The following ITGA9 variants were observed in gnomAD, a reference collection of about 807,000 sequenced individuals.
ITGA9 encodes the protein integrin subunit alpha 9.
ITGA9 carries 56 observed loss-of-function variants against 127.8 expected under a neutral mutation model. The ratio of observed to expected loss-of-function variants is 0.44; its 90% CI spans 0.35 to 0.55. The LOEUF (loss-of-function observed/expected upper bound fraction) is 0.55. Among genes scored for constraint, ITGA9 ranks in the 20% least tolerant of loss-of-function variants. The pLI is 0.00. For missense variants in ITGA9, 1,196 were observed against 1,347.1 expected (o/e 0.89, Z 1.76); for synonymous variants, 508 against 514.5 (o/e 0.99, Z 0.17).
chr3:37,744,082 G>T (rs1478807456), intron 22 of ITGA9, 48 bp downstream of exon 22: 1 of 1,238,328 alleles, frequency 8.1e-7, no homozygotes, highest in Non-Finnish European at 1.2e-6. Flanking sequence ...TAACGGAAGG[G>T]CACATGGGAT....
chr3:37,625,926 T>C (rs1035660710), intron 15 of ITGA9, among the ~76,000 whole-genome samples: 1 of 152,170 alleles, frequency 6.6e-6, no homozygotes, highest in African/African-American at 2.4e-5. Flanking sequence ...GGACATGTAA[T>C]AAGAAGCTGC....
At chr3:37,679,975 G>A (rs1181427553) in intron 17 of ITGA9, among the ~76,000 whole-genome samples, 2 of 152,064 alleles carry the variant, frequency 1.3e-5, no homozygotes, top group Non-Finnish European at 1.5e-5. Context: ...ATGGGGGGTG[G>A]GGGGCTCATA....
chr3:37,519,150 A>G (rs1699018983), intron 10 of ITGA9, 110 bp from the exon 11 acceptor site: 2 of 789,460 alleles, frequency 2.5e-6, no homozygotes, highest in Admixed American at 4.0e-5. Context: ...ACAATCAACA[A>G]CCAATAATTT....
rs984568796 is a variant in ITGA9, at chr3:37,814,428, G to C, written c.3010-4463G>C. On this transcript the variant is annotated intron_variant, in intron 27 of 27. Transcript: ENST00000264741. The surrounding 1 kb of genome is among the most constrained non-coding windows in gnomAD (Gnocchi z 4.3). Reference sequence around the variant, plus strand: ...CAAAATATAAAAATTAGCCAGGCCTGGTGGTGCAGACCTGTAATTCCAGCT... The same window carrying C: ...CAAAATATAAAAATTAGCCAGGCCTCGTGGTGCAGACCTGTAATTCCAGCT... Among the ~76,000 whole-genome samples the C allele has an allele frequency of 6.6e-6, 1 of 152,304 alleles. No individual in the cohort carries two copies. Among genetic ancestry groups the C allele is most frequent in the African/African-American group, 2.4e-5 (1 of 41,576 alleles).
chr3:37,697,301 ACTT>A (rs1700894816), intron 18 of ITGA9, among the ~76,000 whole-genome samples: 5 of 136,742 alleles, frequency 3.7e-5, no homozygotes, highest in Non-Finnish European at 7.7e-5. Context: ...AATAACGACT[ACTT>A]CTGTTATTAT....
At chr3:37,785,120 G>C (rs750902678) in intron 26 of ITGA9, 42 bp downstream of exon 26, 1 of 1,369,626 alleles carries the variant, frequency 7.3e-7, no homozygotes, top group South Asian at 1.2e-5. Context: ...AGAGGGCAAG[G>C]GAAGCTGGGT....
In ITGA9 at chr3:37,508,603, G is replaced by A; in HGVS notation, c.873G>A (p.Lys291=). 1 of 1,613,560 alleles carries A rather than the reference G, an allele frequency of 6.2e-7. No homozygotes were observed. The highest frequency in any genetic ancestry group is 8.5e-7 in the Non-Finnish European group (1 of 1,179,732). The stretch of plus-strand genomic sequence containing the variant: ...ACCGAAGATCAGGCACCTTAATTAA[G>A]ATCTTTCAAGCATCAGGTAAAAAGG... ...RADRRSGTLI[K]IFQASGKKMG... Residue 291 remains lysine (K), a synonymous_variant, in exon 8 of 28, where the codon AAG becomes AAA. Coordinates refer to ENST00000264741, the MANE Select transcript of ITGA9 (RefSeq NM_002207.3).
At chr3:37,556,095 C>T (rs1699428486) in intron 15 of ITGA9, among the ~76,000 whole-genome samples, 1 of 152,242 alleles carries the variant, frequency 6.6e-6, no homozygotes, top group South Asian at 2.1e-4. Context: ...ATGTGTGAAG[C>T]ACATGAACTG....
intron 19 of ITGA9, among the ~76,000 whole-genome samples, chr3:37,736,313 A>G (rs558882932): frequency 1.3e-5 from 2 of 152,320 alleles, no homozygotes; most frequent in African/African-American, 4.8e-5. Flanking sequence ...AACGTCTCCA[A>G]TCCTGCTAGC....
At chr3:37,755,830 T>C (rs903058061) in intron 23 of ITGA9, among the ~76,000 whole-genome samples, 3 of 152,166 alleles carry the variant, frequency 2.0e-5, no homozygotes, top group African/African-American at 7.2e-5. Context: ...CAAGTTTATG[T>C]ACCAATTAGC....
intron 23 of ITGA9, 123 bp downstream of exon 23, chr3:37,750,692 T>C: frequency 1.3e-6 from 1 of 753,254 alleles, no homozygotes; most frequent in South Asian, 1.4e-5. Context: ...TTCTACCCTT[T>C]GGAGACATAT....
At chr3:37,777,782 C>T (rs1363148715) in intron 24 of ITGA9, among the ~76,000 whole-genome samples, 1 of 152,178 alleles carries the variant, frequency 6.6e-6, no homozygotes, top group South Asian at 2.1e-4. Flanking sequence ...TAGAATGAGT[C>T]TAAACAAGAG....
At chr3:37,642,308 T>C (rs1351860404) in intron 16 of ITGA9, among the ~76,000 whole-genome samples, 4 of 152,196 alleles carry the variant, frequency 2.6e-5, no homozygotes, top group African/African-American at 7.2e-5. Flanking sequence ...CTACTTGTTA[T>C]TGTATTTACC....
intron 15 of ITGA9, among the ~76,000 whole-genome samples, chr3:37,577,895 C>T (rs913062955): frequency 6.6e-6 from 1 of 152,186 alleles, no homozygotes; most frequent in African/African-American, 2.4e-5. Flanking sequence ...GTCTTTCTTC[C>T]TGGAGGGCTT....
At chr3:37,544,997 T>G (rs954799363) in intron 15 of ITGA9, among the ~76,000 whole-genome samples, 2 of 152,246 alleles carry the variant, frequency 1.3e-5, no homozygotes, top group African/African-American at 4.8e-5. Context: ...CCTAGCTAGC[T>G]GTCCACAGAG....
At chr3:37,475,712 G>A (rs1395426830) in intron 3 of ITGA9, among the ~76,000 whole-genome samples, 1 of 152,178 alleles carries the variant, frequency 6.6e-6, no homozygotes, top group Non-Finnish European at 1.5e-5. Flanking sequence ...CCTTTTGTTT[G>A]TTTTTCTAAT....
intron 15 of ITGA9, among the ~76,000 whole-genome samples, chr3:37,622,976 G>C (rs1008257412): frequency 6.6e-6 from 1 of 152,034 alleles, no homozygotes; most frequent in African/African-American, 2.4e-5. Context: ...ACTGTGTCCT[G>C]TATGTCTGTT....
In ITGA9 at chr3:37,452,596, C is replaced by T; in HGVS notation, c.185+37C>T. 1 of 1,476,482 alleles carries T rather than the reference C, an allele frequency of 6.8e-7. No individual in the cohort carries two copies. The highest frequency in any genetic ancestry group is 9.0e-7 in the Non-Finnish European group (1 of 1,109,150). 91.5% of individuals were successfully genotyped at this position (1,476,482 alleles called of 1,614,324 possible). A position where few individuals can be genotyped will look rare whatever the true frequency, so the allele number is the denominator to read the frequency against. On this transcript the variant is annotated intron_variant, in intron 1 of 27. Transcript: ENST00000264741. The surrounding 1 kb of genome is among the most constrained non-coding windows in gnomAD (Gnocchi z 7.3). ...CCCGACTCCGCGACCCTGGCCCGCGCGGCCACCGCCCCGGCCCCCAGGCCA... is the reference window on the plus strand; with the variant it reads ...CCCGACTCCGCGACCCTGGCCCGCGTGGCCACCGCCCCGGCCCCCAGGCCA...
chr3:37,750,875 ATGCATTTTGCTGAG>A (rs1351571840), intron 23 of ITGA9, among the ~76,000 whole-genome samples: 2 of 152,380 alleles, frequency 1.3e-5, no homozygotes, highest in South Asian at 4.1e-4. Flanking sequence ...ATGCGTCTGA[ATGCATTTTGCTGAG>A]TGCATTTTGC....
Sources: allele counts gnomAD v4.1 joint callset (sites outside exome capture counted in the v4.1 genomes callset), GRCh38; gene constraint gnomAD v4.1.1; non-coding constraint Gnocchi (gnomAD v3.1); transcripts MANE v1.5; gene names NCBI Gene and HGNC (gene_info 2026-07-23, HGNC 2026-07-21).